CEP162: variants seen among roughly 807,000 people sequenced by gnomAD.
The protein encoded by CEP162 is centrosomal protein of 162 kDa.
CEP162 carries 141 observed loss-of-function variants against 169.2 expected under a neutral mutation model. The observed-to-expected ratio is 0.83, with a 90% confidence interval of 0.73 to 0.96. The LOEUF (loss-of-function observed/expected upper bound fraction) is 0.96. Ranked by LOEUF, CEP162 falls within the 40% of genes least tolerant of loss-of-function variation. CEP162 has a pLI of 0.00. For synonymous variants in CEP162, 540 were observed against 526.4 expected, an observed-to-expected ratio of 1.03 and a Z score of -0.35; for missense variants, 1,600 against 1,587.2, an observed-to-expected ratio of 1.01 and a Z score of -0.14.
Position 84,134,957 on chromosome 6 carries a change from T to C in CEP162, c.3871-8445A>G, listed in dbSNP as rs199905005. 1.6e-3 allele frequency among the ~76,000 whole-genome samples: 244 copies of C among 147,924 alleles called. 1 individual carries two copies. The highest frequency in any genetic ancestry group is 5.6e-3 in the African/African-American group (218 of 38,768). ...ACACACACACACACACACACACACA[T>C]ATATAGTGTTAGGTTAAAAATGCTT... On this transcript the variant is annotated intron_variant, in intron 25 of 26. Coordinates refer to ENST00000403245, the MANE Select transcript of CEP162 (RefSeq NM_014895.4).
At chr6:84,216,776 G>A (rs2099551724) in intron 3 of CEP162, among the ~76,000 whole-genome samples, 1 of 152,182 alleles carries the variant, frequency 6.6e-6, no homozygotes, top group Non-Finnish European at 1.5e-5. Flanking sequence ...GTATAATCCT[G>A]AGTGTCAGAA....
At chr6:84,194,309 C>T (rs188311154) in intron 10 of CEP162, among the ~76,000 whole-genome samples, 4 of 148,424 alleles carry the variant, frequency 2.7e-5, no homozygotes, top group South Asian at 4.2e-4. Context: ...GAGCCGAGAT[C>T]GTGCCATTGC....
At chr6:84,131,227 T>C (rs1207858617) in intron 25 of CEP162, among the ~76,000 whole-genome samples, 1 of 152,214 alleles carries the variant, frequency 6.6e-6, no homozygotes, top group African/African-American at 2.4e-5. Context: ...AGACTGTTTG[T>C]TATGATTTCC....
At chr6:84,215,217 C>A in intron 5 of CEP162, 65 bp downstream of exon 5, 1 of 817,550 alleles carries the variant, frequency 1.2e-6, no homozygotes, top group South Asian at 3.1e-5. Context: ...TAAAATCACA[C>A]ATATATCAGC....
At chr6:84,196,617 G>A (rs988973143) in intron 9 of CEP162, among the ~76,000 whole-genome samples, 1 of 151,796 alleles carries the variant, frequency 6.6e-6, no homozygotes, top group Non-Finnish European at 1.5e-5. Flanking sequence ...GGAAGAGAGG[G>A]AAAAAAAGAA....
At chr6:84,211,670 G>A (rs144366330) in intron 6 of CEP162, among the ~76,000 whole-genome samples, 48 of 151,742 alleles carry the variant, frequency 3.2e-4, no homozygotes, top group African/African-American at 1.1e-3. Context: ...TTTAAAAAAT[G>A]GAATAGTCTT....
chr6:84,201,622 G>T, intron 8 of CEP162, 115 bp downstream of exon 8: 1 of 604,662 alleles, frequency 1.7e-6, no homozygotes, highest in Non-Finnish European at 3.0e-6. Context: ...GAACTTCAAT[G>T]CCTTAGAAAT....
chr6:84,223,428 G>A (rs958552792), intron 2 of CEP162, among the ~76,000 whole-genome samples: 1 of 151,900 alleles, frequency 6.6e-6, no homozygotes, highest in African/African-American at 2.4e-5. Context: ...GAACCCGGGA[G>A]GCAGAGGTTG....
chr6:84,196,226 C>G (rs150835667), intron 9 of CEP162, among the ~76,000 whole-genome samples: 1 of 152,122 alleles, frequency 6.6e-6, no homozygotes, highest in East Asian at 1.9e-4. Flanking sequence ...TGATAGTGAA[C>G]GAGTCTCATG....
intron 11 of CEP162, among the ~76,000 whole-genome samples, chr6:84,187,814 A>G (rs902289894): frequency 4.6e-5 from 7 of 152,242 alleles, no homozygotes; most frequent in Non-Finnish European, 7.3e-5. Flanking sequence ...GACTGGAAAG[A>G]ACAAGGAGTT....
At chr6:84,169,140 C>T (rs548864874) in intron 18 of CEP162, among the ~76,000 whole-genome samples, 188 bp downstream of exon 18, 10 of 152,150 alleles carry the variant, frequency 6.6e-5, no homozygotes, top group African/African-American at 2.2e-4. Context: ...ATAATGTTTC[C>T]TCTATACTAA....
chr6:84,142,498 C>T (rs1311125641), intron 25 of CEP162, among the ~76,000 whole-genome samples: 1 of 151,968 alleles, frequency 6.6e-6, no homozygotes, highest in Non-Finnish European at 1.5e-5. Context: ...AATTGGCTTA[C>T]AGAAAAAGAA....
intron 24 of CEP162, 70 bp downstream of exon 24, chr6:84,149,492 T>C (rs2099520322): frequency 8.2e-7 from 1 of 1,223,848 alleles, no homozygotes; most frequent in South Asian, 2.1e-5. Flanking sequence ...TAAAACAATG[T>C]TAACTTTAAT....
chr6:84,221,034 A>C, intron 3 of CEP162, 23 bp downstream of exon 3: 2 of 1,296,694 alleles, frequency 1.5e-6, no homozygotes, highest in South Asian at 1.2e-5. Context: ...AATAATTTGA[A>C]ACTAAAAATC....
Position 84,174,189 on chromosome 6 carries a change from C to T in CEP162, c.2026-1G>A. The T allele has an allele frequency of 6.3e-7, 1 of 1,597,144 alleles. No homozygotes were observed. The highest frequency in any genetic ancestry group is 8.5e-7 in the Non-Finnish European group (1 of 1,172,344). On this transcript the variant is annotated splice_acceptor_variant, in intron 15 of 26. Transcript: ENST00000403245. LOFTEE classifies it high-confidence loss of function. ...TGTTTGTTTCTTCAAAGCTGCTTAACTTGGAGAAATTGCAGAAATTGTTTT... is the reference window on the plus strand; with the variant it reads ...TGTTTGTTTCTTCAAAGCTGCTTAATTTGGAGAAATTGCAGAAATTGTTTT...
chr6:84,176,179 AT>A (rs914062467), intron 13 of CEP162, among the ~76,000 whole-genome samples: 13 of 152,156 alleles, frequency 8.5e-5, no homozygotes, highest in Non-Finnish European at 1.5e-4. Flanking sequence ...TTTATTCAAG[AT>A]GCTTTTTAAA....
chr6:84,134,730 G>A (rs1366438159), intron 25 of CEP162, among the ~76,000 whole-genome samples: 3 of 152,112 alleles, frequency 2.0e-5, no homozygotes, highest in Admixed American at 2.0e-4. Context: ...TGGAAATGTA[G>A]AAATCACTTT....
intron 25 of CEP162, among the ~76,000 whole-genome samples, chr6:84,144,791 C>G (rs1261729398): frequency 6.6e-6 from 1 of 152,114 alleles, no homozygotes; most frequent in African/African-American, 2.4e-5. Context: ...CTTTAATATT[C>G]TGTAGAGAAC....
At chr6:84,200,231 CAG>C (rs1288922037) in intron 9 of CEP162, among the ~76,000 whole-genome samples, 2 of 152,154 alleles carry the variant, frequency 1.3e-5, no homozygotes, top group Non-Finnish European at 1.5e-5. Context: ...GCCAGGGTGA[CAG>C]AGCAAGACTC....
Sources: gnomAD v4.1 joint callset for allele counts (sites outside exome capture counted in the v4.1 genomes callset) on GRCh38, gnomAD v4.1.1 for gene constraint, MANE v1.5 for transcripts, NCBI Gene and HGNC (gene_info 2026-07-23, HGNC 2026-07-21) for gene names.